The following LTN1 variants were observed in gnomAD, a reference collection of about 807,000 sequenced individuals.
LTN1 encodes E3 ubiquitin-protein ligase listerin.
Under a neutral mutation model 201.2 loss-of-function variants are expected in LTN1, and 88 were observed. That is an observed-to-expected ratio of 0.44 (90% CI 0.37 to 0.52). The LOEUF is 0.52. Among genes scored for constraint, LTN1 ranks in the 20% least tolerant of loss-of-function variants. The pLI is 0.00. For synonymous variants in LTN1, 645 were observed against 713.5 expected (o/e 0.90, Z 1.53); for missense variants, 1,752 against 2,038.7 (o/e 0.86, Z 2.71).
Position 28,982,323 on chromosome 21 carries a change from C to G in LTN1, c.622G>C (p.Asp208His). 6.2e-7 allele frequency: 1 copy of G among 1,612,884 alleles called. No individual in the cohort carries two copies. The highest frequency in any genetic ancestry group is 8.5e-7 in the Non-Finnish European group (1 of 1,178,938). ...TGAAACAATACAACTTACTGCGGGT[C>G]ACTGAGTGTATCAGGTGTTTCTTTT... is the stretch of plus-strand genomic sequence containing the variant. ...LIKETPDTLS[D>H]PQTVPEEERE... is the part of the protein sequence containing the mutation. The change falls in exon 5 of 30, where the codon GAC (aspartate) becomes CAC (histidine). Residue 208 changes from aspartate to histidine, a missense_variant. Around this residue, in one of 3 missense-constraint regions of LTN1, gnomAD observed 280 missense variants for 375.7 expected, o/e 0.75. Transcript: ENST00000361371.
chr21:28,980,412 A>G lies in LTN1; in HGVS notation c.810+707T>C, dbSNP rs59718699. 3.0e-4 allele frequency among the ~76,000 whole-genome samples: 30 copies of G among 100,652 alleles called. No homozygotes were observed. In the East Asian group the frequency reaches 9.0e-3, roughly 30 times the overall value. The allele number at this position is 100,652 out of a possible 152,430, so 66.0% of individuals were successfully genotyped here. A position where few individuals can be genotyped will look rare whatever the true frequency, so the allele number is the denominator to read the frequency against. On this transcript the variant is annotated intron_variant, in intron 6 of 29. Transcript: ENST00000361371. ...TTATGGTGGGGTGGGGGGAGGGGGG[A>G]GGGATAGCATTAGGAGATATACCTA...
At chr21:28,951,075 G>A (rs2084378622) in intron 18 of LTN1, among the ~76,000 whole-genome samples, 1 of 151,516 alleles carries the variant, frequency 6.6e-6, no homozygotes, top group Non-Finnish European at 1.5e-5. Context: ...TAAGTCAACT[G>A]ACTGTATCAA....
chr21:28,982,217 A>C (rs2084664248), intron 5 of LTN1, 99 bp downstream of exon 5: 1 of 916,912 alleles, frequency 1.1e-6, no homozygotes, highest in South Asian at 1.6e-5. Flanking sequence ...ACTCTGTCTC[A>C]AAAAAAAAAC....
intron 28 of LTN1, 54 bp downstream of exon 28, chr21:28,932,416 A>G: frequency 7.2e-7 from 1 of 1,394,910 alleles, no homozygotes; most frequent in Non-Finnish European, 1.0e-6. Context: ...ATGCCCTTTT[A>G]AATAGATCAT....
chr21:28,945,990 TA>T (rs753184439), intron 20 of LTN1, 39 bp from the exon 21 acceptor site: 1 of 1,551,060 alleles, frequency 6.4e-7, no homozygotes, highest in Non-Finnish European at 8.8e-7. Context: ...TAAAAGATTA[TA>T]TTGACATTCA....
At position 28,935,834 on chromosome 21, in the gene LTN1, C is replaced by T. The variant is rs1240205902; in HGVS notation, c.4655-505G>A. On this transcript the variant is annotated intron_variant, in intron 26 of 29. Transcript: ENST00000361371. ...CGGCCTGGGCGACAGAGCGAGACTC[C>T]GTCTCAAAAAAAAAAAAAAAAAAAG... 9.9e-5 allele frequency among the ~76,000 whole-genome samples: 13 copies of T among 131,004 alleles called. No individual in the cohort carries two copies. In the South Asian group the frequency reaches 2.8e-3, roughly 28 times the overall value. 85.9% of individuals were successfully genotyped at this position (131,004 alleles called of 152,430 possible). A position where few individuals can be genotyped will look rare whatever the true frequency, so the allele number is the denominator to read the frequency against.
At chr21:28,953,733 A>G (rs1364015226) in intron 16 of LTN1, among the ~76,000 whole-genome samples, 1 of 152,228 alleles carries the variant, frequency 6.6e-6, no homozygotes, top group Non-Finnish European at 1.5e-5. Context: ...ACCTGAGGTG[A>G]GAAGTTCATG....
rs2084684541 is a variant in LTN1, at chr21:28,984,820, A to G, written c.448T>C (p.Tyr150His). 11 of 1,614,106 alleles carry G rather than the reference A, an allele frequency of 6.8e-6. No homozygotes were observed. The highest frequency in any genetic ancestry group is 9.3e-6 in the Non-Finnish European group (11 of 1,179,944). Residue 150 changes from tyrosine to histidine, a missense_variant, in exon 4 of 30, where the codon TAT (tyrosine) becomes CAT (histidine). Tyr to His is a moderately conservative substitution (Grantham distance 83). Coordinates refer to ENST00000361371, the MANE Select transcript of LTN1 (RefSeq NM_015565.3). ...GTATCACACTGAGCCATTAGCCAATATCCCATTAAACTTTTTAAGTAGGGA... is the reference window on the plus strand; with the variant it reads ...GTATCACACTGAGCCATTAGCCAATGTCCCATTAAACTTTTTAAGTAGGGA... Reference protein sequence around the residue: ...LAPYLKSLMGYWLMAQCDTYT... With the variant: ...LAPYLKSLMGHWLMAQCDTYT...
At chr21:28,984,652 TA>T (rs753338701) in intron 4 of LTN1, 39 bp downstream of exon 4, 78,355 of 979,312 alleles carry the variant, frequency 0.08, 4 homozygotes, top group South Asian at 0.11. Flanking sequence ...CTTAAATACT[TA>T]AAAAAAAAAA....
chr21:28,973,273 G>C (rs1162539488), intron 6 of LTN1, among the ~76,000 whole-genome samples: 1 of 147,034 alleles, frequency 6.8e-6, no homozygotes, highest in Non-Finnish European at 1.5e-5. Context: ...CTTGAATCCG[G>C]AAGGCGGAGG....
At chr21:28,978,273 C>T (rs1301464650) in intron 6 of LTN1, among the ~76,000 whole-genome samples, 20 of 152,080 alleles carry the variant, frequency 1.3e-4, no homozygotes, top group Admixed American at 1.3e-3. Flanking sequence ...CTCAAGTGAC[C>T]CACCTGCCTT....
At chr21:28,957,705 A>G (rs1313512682) in intron 14 of LTN1, among the ~76,000 whole-genome samples, 2 of 152,218 alleles carry the variant, frequency 1.3e-5, no homozygotes, top group African/African-American at 4.8e-5. Context: ...TATCTATCTC[A>G]GAATGAAGAG....
intron 1 of LTN1, among the ~76,000 whole-genome samples, chr21:28,989,291 G>C (rs1216061626): frequency 6.6e-6 from 1 of 152,050 alleles, no homozygotes. Context: ...AGGGGCAAAA[G>C]AGAAGGTATC....
At chr21:28,980,912 TG>T (rs2084653483) in intron 6 of LTN1, among the ~76,000 whole-genome samples, 1 of 152,224 alleles carries the variant, frequency 6.6e-6, no homozygotes, top group Non-Finnish European at 1.5e-5. Flanking sequence ...TAATTCATAC[TG>T]ATAATTCTAA....
intron 11 of LTN1, among the ~76,000 whole-genome samples, chr21:28,962,380 A>G (rs1029072960): frequency 3.9e-5 from 6 of 152,150 alleles, no homozygotes; most frequent in African/African-American, 1.4e-4. Flanking sequence ...TCTGTGTCAC[A>G]TTTTGGTAAT....
chr21:28,966,881 C>T lies in LTN1; in HGVS notation c.1610G>A (p.Gly537Asp), dbSNP rs751701000. The change falls in exon 10 of 30, where the codon GGT becomes GAT. Residue 537 changes from glycine to aspartate, a missense_variant. Coordinates refer to ENST00000361371, the MANE Select transcript of LTN1 (RefSeq NM_015565.3). ...TATCTCATCAGCAAATCTAACCTTA[C>T]CATTTTTTTTTTTACTTGACTTCAA... ...SSLKSSKKKN[G>D]KVRFADEILE... 2 of 1,612,134 alleles carry T rather than the reference C, an allele frequency of 1.2e-6. No individual in the cohort carries two copies. The highest frequency in any genetic ancestry group is 2.7e-5 in the African/African-American group (2 of 74,732).
rs751750794 is a variant in LTN1 at position 28,992,857 on chromosome 21, G to A, written c.-52C>T. On this transcript the variant is annotated 5_prime_UTR_variant, in exon 1 of 30. Transcript: ENST00000361371. ...CACTCAGACCCCGGTTGACACGTCCGGGACACAACTTCCGGCTTCTGGCGG... is the reference window on the plus strand; with the variant it reads ...CACTCAGACCCCGGTTGACACGTCCAGGACACAACTTCCGGCTTCTGGCGG... 10 of 1,613,732 alleles carry A rather than the reference G, an allele frequency of 6.2e-6. No individual in the cohort carries two copies. The highest frequency in any genetic ancestry group is 4.0e-5 in the African/African-American group (3 of 74,906).
Position 28,945,790 on chromosome 21 carries a change from A to AT in LTN1, c.3768+16dup. Reference sequence around the variant, plus strand: ...ACAAAAACCCACAAGAGGTGATGACATATCGGGTTAATTTACCTCCAACCA... The same window carrying AT: ...ACAAAAACCCACAAGAGGTGATGACATTATCGGGTTAATTTACCTCCAACCA... On this transcript the variant is annotated intron_variant, in intron 21 of 29. Coordinates refer to ENST00000361371, the MANE Select transcript of LTN1 (RefSeq NM_015565.3). The AT allele has an allele frequency of 6.2e-7, 1 of 1,609,972 alleles. No homozygotes were observed. Among genetic ancestry groups the AT allele is most frequent in the Non-Finnish European group, 8.5e-7 (1 of 1,177,850 alleles).
In LTN1 at chr21:28,931,173, T is replaced by C; in HGVS notation, c.5220A>G (p.Lys1740=). ...GACTTACCAAGCAGGCTGAATGGAA[T>C]TTTTTCTTGCATGTTCTACAGGCTT... The part of the protein sequence containing the change: ...PKKACRTCKK[K]FHSACLYKWF... Residue 1740 remains lysine, a synonymous_variant, in exon 29 of 30, where the codon AAA becomes AAG. Coordinates refer to ENST00000361371, the MANE Select transcript of LTN1 (RefSeq NM_015565.3). 6.2e-7 allele frequency: 1 copy of C among 1,610,602 alleles called. No individual in the cohort carries two copies. The highest frequency in any genetic ancestry group is 1.1e-5 in the South Asian group (1 of 90,102).
Sources: gnomAD v4.1 joint callset for allele counts (sites outside exome capture counted in the v4.1 genomes callset) on GRCh38, gnomAD v4.1.1 for gene constraint, gnomAD v4.1.1 regional missense constraint, MANE v1.5 for transcripts, NCBI Gene and HGNC (gene_info 2026-07-23, HGNC 2026-07-21) for gene names.